CEP83: variants seen among roughly 807,000 people sequenced by gnomAD.
The protein encoded by CEP83 is centrosomal protein 83, also known as centrosomal protein of 83 kDa.
Under a neutral mutation model 101.9 loss-of-function variants are expected in CEP83, and 70 were observed. The ratio of observed to expected loss-of-function variants is 0.69; its 90% CI spans 0.57 to 0.84. The LOEUF (loss-of-function observed/expected upper bound fraction) is 0.84, where lower values mean the gene tolerates loss of function less well. Among genes scored for constraint, CEP83 ranks in the 40% least tolerant of loss-of-function variants. The pLI is 0.00. For synonymous variants in CEP83, 264 were observed against 267.9 expected (o/e 0.99, Z 0.14); for missense variants, 715 against 787.2 (o/e 0.91, Z 1.10).
the CEP83 span, among the ~76,000 whole-genome samples, chr12:94,283,559 GTTTTATTA>G: frequency 6.6e-6 from 1 of 152,294 alleles, no homozygotes; most frequent in East Asian, 1.9e-4. Flanking sequence ...GGAGACGGGA[GTTTTATTA>G]TTACTCAAAT....
chr12:94,334,471 T>C (rs1231033236), intron 12 of CEP83, among the ~76,000 whole-genome samples: 1 of 152,160 alleles, frequency 6.6e-6, no homozygotes, highest in Admixed American at 6.5e-5. Context: ...TTTTACCAAT[T>C]AGTAAACAAT....
chr12:94,427,835 T>G (rs573692659), intron 2 of CEP83, among the ~76,000 whole-genome samples: 1 of 152,188 alleles, frequency 6.6e-6, no homozygotes, highest in Admixed American at 6.5e-5. Flanking sequence ...AATCCAGAGA[T>G]AATCCTGCAC....
At chr12:94,279,222 T>C in the CEP83 span, among the ~76,000 whole-genome samples, 1 of 152,244 alleles carries the variant, frequency 6.6e-6, no homozygotes, top group Non-Finnish European at 1.5e-5. Context: ...TGTATATGTA[T>C]ATTTTACTCT....
At chr12:94,435,499 T>C (rs2065920336) in intron 1 of CEP83, among the ~76,000 whole-genome samples, 172 bp from the exon 2 acceptor site, 1 of 152,124 alleles carries the variant, frequency 6.6e-6, no homozygotes, top group African/African-American at 2.4e-5. Flanking sequence ...CTGCTGCAAA[T>C]GCCACAAGAC....
rs190943570 is a variant in CEP83, at chr12:94,356,788, C to G, written c.1343+11006G>C. ...GAGCTTGTCTAACTCCTGCTCAGTT[C>G]TTACAATTTAAAATTTGGTGGGCAG... On this transcript the variant is annotated intron_variant, in intron 11 of 16. Coordinates refer to ENST00000397809, the MANE Select transcript of CEP83 (RefSeq NM_016122.3). Among the ~76,000 whole-genome samples, 3 of 152,308 alleles carry G rather than the reference C, an allele frequency of 2.0e-5. No homozygotes were observed. The East Asian group carries it at 5.8e-4, about 29-fold the overall frequency.
chr12:94,336,350 T>C (rs2059447153), intron 11 of CEP83, among the ~76,000 whole-genome samples: 1 of 152,204 alleles, frequency 6.6e-6, no homozygotes, highest in Non-Finnish European at 1.5e-5. Context: ...TTTGGCAGGA[T>C]AGGCCCTTCA....
chr12:94,334,507 CCTTTT>C (rs2059373168), intron 12 of CEP83, among the ~76,000 whole-genome samples: 1 of 152,128 alleles, frequency 6.6e-6, no homozygotes, highest in African/African-American at 2.4e-5. Flanking sequence ...CCTTTCACTT[CCTTTT>C]ATCTCTCTTA....
At chr12:94,380,803 T>C (rs1184510692) in intron 6 of CEP83, among the ~76,000 whole-genome samples, 1 of 152,194 alleles carries the variant, frequency 6.6e-6, no homozygotes, top group South Asian at 2.1e-4. Flanking sequence ...ATTTTACACA[T>C]AGGGTCACAC....
chr12:94,416,571 CACAA>C (rs765391875), intron 2 of CEP83, among the ~76,000 whole-genome samples: 176 of 110,872 alleles, frequency 1.6e-3, no homozygotes, highest in Middle Eastern at 4.7e-3. Flanking sequence ...CACACACACA[CACAA>C]AAAAAAAAAA....
chr12:94,310,285 AT>A (rs1969653993), intron 15 of CEP83, among the ~76,000 whole-genome samples, 178 bp from the exon 16 acceptor site: 1 of 152,160 alleles, frequency 6.6e-6, no homozygotes, highest in Non-Finnish European at 1.5e-5. Context: ...CATCTTAATC[AT>A]TAGCAATCAT....
Position 94,369,906 on chromosome 12 carries a change from G to A in CEP83, c.1048+16C>T, listed in dbSNP as rs544393383. The stretch of plus-strand genomic sequence containing the variant: ...AATAAGCAGCAGCAGCAGCAGCAAG[G>A]GAAATCACATATTACCATCCAGTTC... On this transcript the variant is annotated intron_variant, in intron 9 of 16. Transcript: ENST00000397809. 4 of 1,266,752 alleles carry A rather than the reference G, an allele frequency of 3.2e-6. No homozygotes were observed. Among genetic ancestry groups the A allele is most frequent in the East Asian group, 4.7e-5 (2 of 42,364 alleles). 78.5% of individuals were successfully genotyped at this position (1,266,752 alleles called of 1,614,324 possible).
chr12:94,385,422 TG>T (rs770461576), intron 6 of CEP83, among the ~76,000 whole-genome samples: 16 of 151,776 alleles, frequency 1.1e-4, no homozygotes, highest in Non-Finnish European at 2.1e-4. Flanking sequence ...CAGTTGAGAG[TG>T]GATGTCCAAG....
chr12:94,379,014 T>G lies in CEP83; in HGVS notation c.578A>C (p.Glu193Ala). ...EIARLEEDKE[E>A]LRNQLLNVDL... ...AACATTAAGCAGCTGGTTACGTAGT[T>G]CTTCTTTATCTTCCTCCAGTCTTGC... is the stretch of plus-strand genomic sequence containing the variant. The change falls in exon 7 of 17, where the codon GAA becomes GCA. Residue 193 changes from glutamate to alanine, a missense_variant. Coordinates refer to ENST00000397809, the MANE Select transcript of CEP83 (RefSeq NM_016122.3). 1 of 1,610,184 alleles carries G rather than the reference T, an allele frequency of 6.2e-7. No individual in the cohort carries two copies. Among genetic ancestry groups the G allele is most frequent in the Non-Finnish European group, 8.5e-7 (1 of 1,177,210 alleles).
chr12:94,455,117 A>G (rs1311821783), intron 1 of CEP83, among the ~76,000 whole-genome samples: 1 of 152,238 alleles, frequency 6.6e-6, no homozygotes, highest in East Asian at 1.9e-4. Flanking sequence ...ACCCACCAGA[A>G]TGAACCAATT....
downstream of CEP83, among the ~76,000 whole-genome samples, chr12:94,304,941 C>T (rs1968849298): frequency 6.6e-6 from 1 of 152,176 alleles, no homozygotes; most frequent in South Asian, 2.1e-4. Context: ...GGAAGCCTGG[C>T]CCCATATTTG....
intron 11 of CEP83, among the ~76,000 whole-genome samples, chr12:94,365,633 G>C (rs1466054048): frequency 6.6e-6 from 1 of 152,028 alleles, no homozygotes; most frequent in Non-Finnish European, 1.5e-5. Flanking sequence ...AGCCAGTTGT[G>C]GTGACATACA....
At chr12:94,368,575 G>T (rs1280856369) in intron 9 of CEP83, 1 of 161,776 alleles carries the variant, frequency 6.2e-6, no homozygotes, top group Non-Finnish European at 1.3e-5. Flanking sequence ...CTGGCTGATA[G>T]CAGAGTGAAA....
At chr12:94,425,987 T>C (rs1019686405) in intron 2 of CEP83, among the ~76,000 whole-genome samples, 1 of 151,922 alleles carries the variant, frequency 6.6e-6, no homozygotes, top group Non-Finnish European at 1.5e-5. Context: ...CTGGGCGTGG[T>C]GACAGGCGCC....
rs964184576 is a variant in CEP83, at chr12:94,392,018, T to C, written c.549+8832A>G. Among the ~76,000 whole-genome samples the C allele has an allele frequency of 2.6e-5, 4 of 152,266 alleles. No homozygotes were observed. In the East Asian group the frequency reaches 7.7e-4, roughly 29 times the overall value. On this transcript the variant is annotated intron_variant, in intron 6 of 16. Transcript: ENST00000397809. ...GTCCTTAGAGACCTACAAAGAGACT[T>C]AGACTCCCACACAATAATGATGGGA...
Sources: gnomAD v4.1 joint callset for allele counts (sites outside exome capture counted in the v4.1 genomes callset) on GRCh38, gnomAD v4.1.1 for gene constraint, MANE v1.5 for transcripts, NCBI Gene and HGNC (gene_info 2026-07-23, HGNC 2026-07-21) for gene names.